Variants in FHIT observed in about 807,000 individuals in gnomAD.
The protein encoded by FHIT is fragile histidine triad diadenosine triphosphatase, also known as bis(5'-adenosyl)-triphosphatase.
In FHIT, 19 loss-of-function variants were observed where a neutral mutation model predicts 17.9. The observed-to-expected ratio is 1.06, with a 90% CI of 0.74 to 1.56. The LOEUF is 1.56. FHIT is among the 40% of genes most tolerant of loss of function. The probability of loss-of-function intolerance (pLI) is 0.00; values close to 1 mark genes in which losing one functional copy is unlikely to be tolerated. For missense variants in FHIT, 248 were observed against 189.2 expected, an observed-to-expected ratio of 1.31 and a Z score of -1.82; for synonymous variants, 81 against 69.7, an observed-to-expected ratio of 1.16 and a Z score of -0.81.
chr3:60,406,488 A>T (rs1701861432), intron 5 of FHIT, among the ~76,000 whole-genome samples: 1 of 152,204 alleles, frequency 6.6e-6, no homozygotes, highest in African/African-American at 2.4e-5. Context: ...CAGGAAAGCG[A>T]AAGAGACACA....
chr3:60,309,405 C>A (rs1316607710), intron 5 of FHIT, among the ~76,000 whole-genome samples: 1 of 152,084 alleles, frequency 6.6e-6, no homozygotes, highest in East Asian at 1.9e-4. Flanking sequence ...AAAGTATGGT[C>A]CATTTTAACA....
intron 5 of FHIT, among the ~76,000 whole-genome samples, chr3:60,070,551 C>G (rs1702721454): frequency 6.6e-6 from 1 of 151,704 alleles, no homozygotes; most frequent in Non-Finnish European, 1.5e-5. Flanking sequence ...TCCCTCTGTC[C>G]CCTGCTGGGT....
chr3:60,129,445 A>G (rs1200051097), intron 5 of FHIT, among the ~76,000 whole-genome samples: 1 of 152,204 alleles, frequency 6.6e-6, no homozygotes, highest in East Asian at 1.9e-4. Context: ...ACATGTAAAT[A>G]TATGTATGAA....
intron 4 of FHIT, among the ~76,000 whole-genome samples, chr3:60,771,907 C>G (rs1240721701): frequency 6.6e-6 from 1 of 152,164 alleles, no homozygotes; most frequent in African/African-American, 2.4e-5. Context: ...GCCAAGATGT[C>G]ATCAAGCTGA....
intron 7 of FHIT, among the ~76,000 whole-genome samples, chr3:59,995,544 T>C (rs896089885): frequency 6.6e-6 from 1 of 152,138 alleles, no homozygotes; most frequent in African/African-American, 2.4e-5. Flanking sequence ...AGTAATGTTT[T>C]ATTTCAGCTA....
At chr3:59,982,902 T>C (rs1708716911) in intron 7 of FHIT, among the ~76,000 whole-genome samples, 2 of 152,130 alleles carry the variant, frequency 1.3e-5, no homozygotes, top group Admixed American at 6.6e-5. Flanking sequence ...TTAGAGATTC[T>C]AGCAAGGAAA....
intron 5 of FHIT, among the ~76,000 whole-genome samples, chr3:60,495,140 G>A (rs9849539): frequency 0.37 from 56,540 of 151,648 alleles, 12,415 homozygotes; most frequent in African/African-American, 0.61. Flanking sequence ...ATTTGTTACT[G>A]TCTGTCTTTT....
At chr3:59,915,033 G>A (rs1304479259) in intron 8 of FHIT, among the ~76,000 whole-genome samples, 4 of 152,124 alleles carry the variant, frequency 2.6e-5, no homozygotes, top group African/African-American at 9.7e-5. Flanking sequence ...CATTATTCAA[G>A]CACTGTAGTT....
intron 5 of FHIT, among the ~76,000 whole-genome samples, chr3:60,078,054 G>A (rs1015238602): frequency 3.9e-5 from 6 of 152,106 alleles, no homozygotes; most frequent in African/African-American, 1.4e-4. Context: ...TAAATAAGGA[G>A]TAATTAAATT....
At chr3:60,874,348 T>A (rs1179588325) in intron 3 of FHIT, among the ~76,000 whole-genome samples, 1 of 152,072 alleles carries the variant, frequency 6.6e-6, no homozygotes, top group Non-Finnish European at 1.5e-5. Flanking sequence ...GTCTGAAGAT[T>A]TTCTTGGTCT....
rs1185361089 is a variant in FHIT, at chr3:59,768,802, T to C, written c.349-16481A>G. On this transcript the variant is annotated intron_variant, in intron 8 of 9. Transcript: ENST00000492590. ...CAAATAAGAGTTTAATTATGTTATG[T>C]AAACCATATGATATACTAGTGAGGC... Among the ~76,000 whole-genome samples the C allele has an allele frequency of 2.0e-5, 3 of 152,228 alleles. No individual in the cohort carries two copies. In the East Asian group the frequency reaches 5.8e-4, roughly 29 times the overall value.
At chr3:59,952,935 G>A (rs1296546999) in intron 7 of FHIT, among the ~76,000 whole-genome samples, 4 of 151,918 alleles carry the variant, frequency 2.6e-5, no homozygotes, top group South Asian at 2.1e-4. Flanking sequence ...TGAGTAGAAT[G>A]GTCCACAATC....
chr3:60,923,645 G>A (rs567245011), intron 3 of FHIT, among the ~76,000 whole-genome samples: 16 of 152,260 alleles, frequency 1.1e-4, no homozygotes, highest in South Asian at 2.1e-4. Flanking sequence ...TGCAGAAGAC[G>A]GGTGATTTCT....
At chr3:59,840,852 T>C (rs1701509354) in intron 8 of FHIT, among the ~76,000 whole-genome samples, 1 of 152,146 alleles carries the variant, frequency 6.6e-6, no homozygotes, top group Admixed American at 6.5e-5. Flanking sequence ...ATGGTGATGA[T>C]AATAACAGCC....
intron 5 of FHIT, among the ~76,000 whole-genome samples, chr3:60,136,926 T>C (rs1699839804): frequency 6.6e-6 from 1 of 152,204 alleles, no homozygotes; most frequent in African/African-American, 2.4e-5. Flanking sequence ...CCCAGTGACC[T>C]GATAAGAGGT....
chr3:61,149,623 A>G (rs1011243290), intron 2 of FHIT, among the ~76,000 whole-genome samples: 2 of 152,124 alleles, frequency 1.3e-5, no homozygotes, highest in African/African-American at 4.8e-5. Context: ...CACACCTGTA[A>G]TCCCATCATT....
intron 8 of FHIT, among the ~76,000 whole-genome samples, chr3:59,765,059 T>C (rs1701727434): frequency 6.6e-6 from 1 of 152,200 alleles, no homozygotes. Context: ...GCTGAGATGC[T>C]TAAGATGTAC....
In FHIT at chr3:60,744,259, A is replaced by AC. The variant is rs1476625390; in HGVS notation, c.-18+77659_-18+77660insG. ...TTGGAAGTAATGTAAAAAAAAAAACAAAACAAAACAAAAAAAAAAAAAAAC... is the reference window on the plus strand; with the variant it reads ...TTGGAAGTAATGTAAAAAAAAAAACACAAACAAAACAAAAAAAAAAAAAAAC... On this transcript the variant is annotated intron_variant, in intron 4 of 9. Transcript: ENST00000492590. Among the ~76,000 whole-genome samples the AC allele has an allele frequency of 1.3e-3, 67 of 50,000 alleles. 4 individuals are homozygous for AC. Among genetic ancestry groups the AC allele is most frequent in the African/African-American group, 5.6e-3 (59 of 10,482 alleles). 32.8% of individuals were successfully genotyped at this position (50,000 alleles called of 152,430 possible).
At chr3:60,225,514 T>A (rs1225597224) in intron 5 of FHIT, among the ~76,000 whole-genome samples, 4 of 152,078 alleles carry the variant, frequency 2.6e-5, no homozygotes, top group African/African-American at 9.7e-5. Flanking sequence ...GGGAGAGAGT[T>A]GAGAGAACCT....
Sources: allele counts gnomAD v4.1 joint callset (sites outside exome capture counted in the v4.1 genomes callset), GRCh38; gene constraint gnomAD v4.1.1; transcripts MANE v1.5; gene names NCBI Gene and HGNC (gene_info 2026-07-23, HGNC 2026-07-21).